The following AKR7A2 variants were observed in gnomAD, a reference collection of about 807,000 sequenced individuals.
The protein encoded by AKR7A2 is aflatoxin B1 aldehyde reductase member 2.
A neutral mutation model predicts 37.3 loss-of-function variants in AKR7A2; 29 were observed. The ratio of observed to expected loss-of-function variants is 0.78; its 90% CI spans 0.58 to 1.06. The LOEUF is 1.06. AKR7A2 is among the 50% of genes least tolerant of loss of function. The pLI is 0.00. For synonymous variants in AKR7A2, 228 were observed against 217.8 expected, an observed-to-expected ratio of 1.05 and a Z score of -0.41; for missense variants, 529 against 497.9, an observed-to-expected ratio of 1.06 and a Z score of -0.59.
At chr1:19,304,533 T>C (rs1464435217) in intron 6 of AKR7A2, 147 bp from the exon 7 acceptor site, 4 of 1,388,276 alleles carry the variant, frequency 2.9e-6, no homozygotes, top group African/African-American at 1.4e-5. Flanking sequence ...GTGCCTTGGA[T>C]AGCTGTACCC....
intron 1 of AKR7A2, among the ~76,000 whole-genome samples, chr1:19,309,327 T>C (rs888796686): frequency 1.3e-5 from 2 of 152,170 alleles, no homozygotes; most frequent in African/African-American, 2.4e-5. Context: ...TGTGAACCGG[T>C]CACCTGTGTT....
intron 4 of AKR7A2, 69 bp downstream of exon 4, chr1:19,307,245 C>T: frequency 6.2e-7 from 1 of 1,608,122 alleles, no homozygotes; most frequent in East Asian, 2.2e-5. Context: ...CTCCCTGCTT[C>T]ATAAATTCTG....
chr1:19,305,641 G>A (rs1039878682), intron 6 of AKR7A2, among the ~76,000 whole-genome samples: 2 of 152,206 alleles, frequency 1.3e-5, no homozygotes, highest in African/African-American at 2.4e-5. Flanking sequence ...CACTGATCAG[G>A]AAATAAGTTT....
intron 6 of AKR7A2, 74 bp downstream of exon 6, chr1:19,305,944 C>T (rs2093760686): frequency 6.2e-7 from 1 of 1,610,224 alleles, no homozygotes; most frequent in African/African-American, 1.3e-5. Context: ...AAATCAAATG[C>T]TTTGGGCTTC....
In AKR7A2 at chr1:19,311,974, T is replaced by G; in HGVS notation, c.151A>C (p.Met51Leu). The G allele has an allele frequency of 6.4e-7, 1 of 1,562,666 alleles. No individual in the cohort carries two copies. Among genetic ancestry groups the G allele is most frequent in the Non-Finnish European group, 8.7e-7 (1 of 1,155,430 alleles). The stretch of plus-strand genomic sequence containing the variant: ...GCCGCGGCGCTGGCGGGCGCGTCCA[T>G]GCGGCGCCCCATCTCCATGGTGCCC... The part of the protein sequence containing the change: ...VLGTMEMGRR[M>L]DAPASAAAVR... The change falls in exon 1 of 7, where the codon ATG (methionine) becomes CTG (leucine). Residue 51 changes from methionine (M) to leucine (L), a missense_variant. Transcript: ENST00000235835.
chr1:19,307,461 C>T (rs768389617), intron 3 of AKR7A2, 51 bp from the exon 4 acceptor site: 11 of 1,594,120 alleles, frequency 6.9e-6, no homozygotes, highest in Non-Finnish European at 9.5e-6. Flanking sequence ...AGAGAAGGAA[C>T]TGTTGCCTTC....
chr1:19,308,480 T>G lies in AKR7A2; in HGVS notation c.461A>C (p.His154Pro). ...DHGTPVEETLHACQRLHQEGK... is the reference protein window; with the variant it reads ...DHGTPVEETLPACQRLHQEGK... ...CTCCTGGTGCAGCCGCTGGCAGGCA[T>G]GCAGCGTCTCTTCCACCGGGGTGCC... The change falls in exon 2 of 7, where the codon CAT becomes CCT. Residue 154 changes from histidine to proline, a missense_variant. Coordinates refer to ENST00000235835, the MANE Select transcript of AKR7A2 (RefSeq NM_003689.4). The G allele has an allele frequency of 1.2e-6, 2 of 1,614,090 alleles. No homozygotes were observed. Among genetic ancestry groups the G allele is most frequent in the Non-Finnish European group, 8.5e-7 (1 of 1,180,026 alleles).
At chr1:19,310,967 T>C in intron 1 of AKR7A2, among the ~76,000 whole-genome samples, 1 of 152,152 alleles carries the variant, frequency 6.6e-6, no homozygotes, top group Non-Finnish European at 1.5e-5. Context: ...CATCCTCCAC[T>C]CAAGCCCCAC....
chr1:19,311,799 C>G (rs376504937), intron 1 of AKR7A2, 28 bp downstream of exon 1: 1 of 1,609,600 alleles, frequency 6.2e-7, no homozygotes, highest in African/African-American at 1.3e-5. Context: ...CTACACGATG[C>G]ATGGGGAGGA....
chr1:19,306,189 G>C, intron 5 of AKR7A2, 42 bp from the exon 6 acceptor site: 1 of 1,613,630 alleles, frequency 6.2e-7, no homozygotes, highest in East Asian at 2.2e-5. Context: ...GTACCATGGG[G>C]GTCACACTGG....
intron 1 of AKR7A2, 108 bp downstream of exon 1, chr1:19,311,719 G>A (rs2093776292): frequency 1.4e-6 from 2 of 1,422,640 alleles, no homozygotes; most frequent in Non-Finnish European, 1.9e-6. Flanking sequence ...GGGAGCGAGG[G>A]ACGAATCCGT....
rs371163980 is a variant in AKR7A2 at position 19,307,415 on chromosome 1, A to G, written c.592-5T>C. On this transcript the variant is annotated splice_region_variant and splice_polypyrimidine_tract_variant and intron_variant, in intron 3 of 6. Coordinates refer to ENST00000235835, the MANE Select transcript of AKR7A2 (RefSeq NM_003689.4). ...GGTGGTGGCGTTGTACATGCCCTGCAGGGAGAGGGACCCCGGGGACAGGGT... is the reference window on the plus strand; with the variant it reads ...GGTGGTGGCGTTGTACATGCCCTGCGGGGAGAGGGACCCCGGGGACAGGGT... The G allele has an allele frequency of 1.2e-5, 20 of 1,614,172 alleles. No individual in the cohort carries two copies. In the African/African-American group the frequency reaches 2.7e-4, roughly 22 times the overall value.
At chr1:19,305,628 T>C (rs2093760206) in intron 6 of AKR7A2, among the ~76,000 whole-genome samples, 1 of 152,202 alleles carries the variant, frequency 6.6e-6, no homozygotes, top group South Asian at 2.1e-4. Context: ...TGTGGGTCAC[T>C]GCCACTGATC....
At chr1:19,310,026 A>G (rs1259849309) in intron 1 of AKR7A2, among the ~76,000 whole-genome samples, 2 of 152,032 alleles carry the variant, frequency 1.3e-5, no homozygotes. Flanking sequence ...CAGTGAGTCC[A>G]GATTGTGCTA....
At chr1:19,311,276 G>C (rs190940041) in intron 1 of AKR7A2, among the ~76,000 whole-genome samples, 14 of 152,226 alleles carry the variant, frequency 9.2e-5, no homozygotes, top group Middle Eastern at 3.4e-3. Flanking sequence ...GTCAAAGCCT[G>C]GCATAGAGTG....
chr1:19,308,505 C>G lies in AKR7A2; in HGVS notation c.436G>C (p.Gly146Arg). Reference protein sequence around the residue: ...DLFYLHAPDHGTPVEETLHAC... With the variant: ...DLFYLHAPDHRTPVEETLHAC... ...TGCAGCGTCTCTTCCACCGGGGTGC[C>G]GTGGTCAGGTGCGTGTAGGTAGAAG... Residue 146 changes from glycine (G) to arginine (R), a missense_variant, in exon 2 of 7, where the codon GGC becomes CGC. Transcript: ENST00000235835. 6.2e-7 allele frequency: 1 copy of G among 1,614,158 alleles called. No individual in the cohort carries two copies. The highest frequency in any genetic ancestry group is 8.5e-7 in the Non-Finnish European group (1 of 1,180,024).
rs750081071 is a variant in AKR7A2, at chr1:19,308,509, G to A, written c.432C>T (p.Asp144=). The A allele has an allele frequency of 1.9e-6, 3 of 1,614,216 alleles. No individual in the cohort carries two copies. The highest frequency in any genetic ancestry group is 4.5e-5 in the East Asian group (2 of 44,874). ...GCGTCTCTTCCACCGGGGTGCCGTG[G>A]TCAGGTGCGTGTAGGTAGAAGAGGT... ...QVDLFYLHAP[D]HGTPVEETLH... The change falls in exon 2 of 7, where the codon GAC becomes GAT. Residue 144 remains aspartate, a synonymous_variant. Coordinates refer to ENST00000235835, the MANE Select transcript of AKR7A2 (RefSeq NM_003689.4).
downstream of AKR7A2, among the ~76,000 whole-genome samples, chr1:19,302,987 CA>C (rs1307069977): frequency 1.3e-5 from 2 of 152,278 alleles, no homozygotes; most frequent in African/African-American, 2.4e-5. Flanking sequence ...GCCACTGTGC[CA>C]GCCTTGGATT....
chr1:19,304,830 T>C, intron 6 of AKR7A2, among the ~76,000 whole-genome samples: 1 of 152,060 alleles, frequency 6.6e-6, no homozygotes, highest in East Asian at 1.9e-4. Context: ...TCCCAGCTAC[T>C]AGGGAGGCTG....
Sources: allele counts gnomAD v4.1 joint callset (sites outside exome capture counted in the v4.1 genomes callset), GRCh38; gene constraint gnomAD v4.1.1; transcripts MANE v1.5; gene names NCBI Gene and HGNC (gene_info 2026-07-23, HGNC 2026-07-21).